The following FAT3 variants were observed in gnomAD, a reference collection of about 807,000 sequenced individuals.
The protein encoded by FAT3 is protocadherin Fat 3.
FAT3 carries 95 observed loss-of-function variants against 310.2 expected under a neutral mutation model. The observed-to-expected ratio is 0.31, with a 90% CI of 0.26 to 0.36. The LOEUF (loss-of-function observed/expected upper bound fraction) is 0.36, where lower values mean the gene tolerates loss of function less well. Ranked by LOEUF, FAT3 falls within the 10% of genes least tolerant of loss-of-function variation. FAT3 has a pLI of 1.00. For missense variants in FAT3, 5,408 were observed against 5,715.6 expected (o/e 0.95, Z 1.74); for synonymous variants, 2,314 against 2,192.9 (o/e 1.06, Z -1.54).
intron 3 of FAT3, among the ~76,000 whole-genome samples, chr11:92,590,701 T>C (rs769184121): frequency 6.6e-6 from 1 of 152,134 alleles, no homozygotes; most frequent in Non-Finnish European, 1.5e-5. Flanking sequence ...CAGGTACAAG[T>C]GTTTCAGTAA....
At chr11:92,722,212 A>AT (rs1323458482) in intron 4 of FAT3, among the ~76,000 whole-genome samples, 3 of 151,374 alleles carry the variant, frequency 2.0e-5, no homozygotes, top group African/African-American at 7.4e-5. Flanking sequence ...TAATGGCAGT[A>AT]TACCCATTGG....
At chr11:92,810,400 C>T (rs761301556) in intron 13 of FAT3, among the ~76,000 whole-genome samples, 27 of 152,118 alleles carry the variant, frequency 1.8e-4, no homozygotes, top group Non-Finnish European at 3.2e-4. Context: ...TGATAGATTT[C>T]CTCATTGTCT....
At chr11:92,699,482 T>C (rs1181402003) in intron 4 of FAT3, among the ~76,000 whole-genome samples, 1 of 152,230 alleles carries the variant, frequency 6.6e-6, no homozygotes, top group African/African-American at 2.4e-5. Context: ...TGTACATCTA[T>C]TATGCATTGT....
At chr11:92,760,274 C>A (rs1367156805) in intron 4 of FAT3, among the ~76,000 whole-genome samples, 1 of 152,210 alleles carries the variant, frequency 6.6e-6, no homozygotes, top group Non-Finnish European at 1.5e-5. Flanking sequence ...TCCTAGGCAG[C>A]TTGTAAGAGA....
At position 92,792,764 on chromosome 11, in the gene FAT3, A is replaced by C. The variant is rs367969107; in HGVS notation, c.4612-3A>C. On this transcript the variant is annotated splice_region_variant and splice_polypyrimidine_tract_variant and intron_variant, in intron 8 of 27. Transcript: ENST00000525166. ...CCCACCACTTCTTGTATTTTGCCTA[A>C]AGGTCAGAGATCAGGAGTTTCCTTA... 2.0e-5 allele frequency: 33 copies of C among 1,613,274 alleles called. No individual in the cohort carries two copies. The highest frequency in any genetic ancestry group is 2.7e-5 in the Non-Finnish European group (32 of 1,179,592).
At chr11:92,347,609 A>G (rs1292729248) in intron 1 of FAT3, among the ~76,000 whole-genome samples, 1 of 152,126 alleles carries the variant, frequency 6.6e-6, no homozygotes, top group Non-Finnish European at 1.5e-5. Flanking sequence ...CCTGCCCCCA[A>G]GGTCTCTGGT....
At chr11:92,320,482 T>C (rs772582863) in intron 1 of FAT3, among the ~76,000 whole-genome samples, 18 of 151,908 alleles carry the variant, frequency 1.2e-4, no homozygotes, top group Non-Finnish European at 1.8e-4. Flanking sequence ...GGACTTAGAG[T>C]TAATGTATAT....
At chr11:92,474,673 G>GGGGTGACTAAT in intron 2 of FAT3, among the ~76,000 whole-genome samples, 1 of 152,218 alleles carries the variant, frequency 6.6e-6, no homozygotes, top group South Asian at 2.1e-4. Context: ...CCAGGGTCCT[G>GGGGTGACTAAT]GGAAAGCTCC....
chr11:92,431,000 A>G (rs1214832586), intron 2 of FAT3, among the ~76,000 whole-genome samples: 1 of 152,174 alleles, frequency 6.6e-6, no homozygotes, highest in Non-Finnish European at 1.5e-5. Context: ...TAGCAGCATG[A>G]TTTATAATCC....
At chr11:92,406,024 G>A (rs551708296) in intron 2 of FAT3, among the ~76,000 whole-genome samples, 1 of 152,274 alleles carries the variant, frequency 6.6e-6, no homozygotes, top group South Asian at 2.1e-4. Context: ...CTTGAAATTT[G>A]AAATGTGTCT....
chr11:92,656,623 T>C (rs1040746838), intron 3 of FAT3, among the ~76,000 whole-genome samples: 1 of 152,226 alleles, frequency 6.6e-6, no homozygotes, highest in African/African-American at 2.4e-5. Context: ...TAAGTTTAAA[T>C]TTACTTTCTA....
At chr11:92,590,326 G>A (rs969340994) in intron 3 of FAT3, among the ~76,000 whole-genome samples, 5 of 152,140 alleles carry the variant, frequency 3.3e-5, no homozygotes, top group Non-Finnish European at 5.9e-5. Flanking sequence ...CTCAACAATT[G>A]CAGGAAGGCT....
chr11:92,839,965 G>A (rs1948495747), intron 17 of FAT3, among the ~76,000 whole-genome samples: 1 of 152,168 alleles, frequency 6.6e-6, no homozygotes, highest in Admixed American at 6.5e-5. Context: ...GTCAAATGGA[G>A]GAATGTTTTA....
Position 92,592,923 on chromosome 11 carries a change from C to T in FAT3, c.3607+67975C>T, listed in dbSNP as rs563313129. ...GTTGTACAATCTTCAGAACTGTTTT[C>T]ATTTTGCAAAACTGAAACCCTATAC... On this transcript the variant is annotated intron_variant, in intron 3 of 27. Transcript: ENST00000525166. Among the ~76,000 whole-genome samples the T allele has an allele frequency of 9.3e-4, 142 of 152,178 alleles. 1 individual carries two copies. The highest frequency in any genetic ancestry group is 3.2e-3 in the African/African-American group (132 of 41,518).
chr11:92,762,102 A>G lies in FAT3; in HGVS notation c.3916A>G (p.Ile1306Val), dbSNP rs2136085948. 1 of 1,613,964 alleles carries G rather than the reference A, an allele frequency of 6.2e-7. No homozygotes were observed. The highest frequency in any genetic ancestry group is 8.5e-7 in the Non-Finnish European group (1 of 1,179,858). Reference sequence around the variant, plus strand: ...TGGGAATGATGACGGAAAGTTCTTTATTGACCCTAAAACTGGGATGGTTTC... The same window carrying G: ...TGGGAATGATGACGGAAAGTTCTTTGTTGACCCTAAAACTGGGATGGTTTC... Reference protein sequence around the residue: ...VDGNDDGKFFIDPKTGMVSSR... With the variant: ...VDGNDDGKFFVDPKTGMVSSR... The change falls in exon 5 of 28, where the codon ATT (isoleucine) becomes GTT (valine). Residue 1306 changes from isoleucine to valine, a missense_variant. This residue lies in a region of FAT3 where 4,588 missense variants were observed against 4,809.8 expected (regional missense o/e 0.95). Coordinates refer to ENST00000525166, the MANE Select transcript of FAT3 (RefSeq NM_001367949.2).
At chr11:92,712,454 G>T (rs1944555053) in intron 4 of FAT3, among the ~76,000 whole-genome samples, 1 of 152,150 alleles carries the variant, frequency 6.6e-6, no homozygotes, top group Non-Finnish European at 1.5e-5. Flanking sequence ...GAGTAAAAAT[G>T]TAAAGAAATA....
chr11:92,637,369 T>C (rs1941802218), intron 3 of FAT3, among the ~76,000 whole-genome samples: 2 of 152,138 alleles, frequency 1.3e-5, no homozygotes. Context: ...AAAGAGAGAA[T>C]GGCTAAGAGG....
At chr11:92,554,811 T>G (rs1336833953) in intron 3 of FAT3, among the ~76,000 whole-genome samples, 1 of 152,188 alleles carries the variant, frequency 6.6e-6, no homozygotes, top group Non-Finnish European at 1.5e-5. Flanking sequence ...CCAGTCTCTT[T>G]GATGGCCATG....
chr11:92,464,396 C>T (rs1181737358), intron 2 of FAT3, among the ~76,000 whole-genome samples: 2 of 152,190 alleles, frequency 1.3e-5, no homozygotes, highest in Admixed American at 6.5e-5. Flanking sequence ...CATATTTCCC[C>T]TGCCTTTAAT....
Sources: allele counts gnomAD v4.1 joint callset (sites outside exome capture counted in the v4.1 genomes callset), GRCh38; gene constraint gnomAD v4.1.1; regional missense constraint gnomAD v4.1.1; transcripts MANE v1.5; gene names NCBI Gene and HGNC (gene_info 2026-07-23, HGNC 2026-07-21).